UBXN7: variants seen among roughly 807,000 people sequenced by gnomAD.
UBXN7 encodes the protein UBX domain protein 7, also known as UBX domain-containing protein 7.
In UBXN7, 9 loss-of-function variants were observed where a neutral mutation model predicts 58.0. The observed-to-expected ratio is 0.16, with a 90% CI of 0.09 to 0.27. UBXN7 has a LOEUF of 0.27. UBXN7 is among the 10% of genes least tolerant of loss of function. The pLI, the probability that UBXN7 is intolerant of heterozygous loss-of-function variation, is 1.00. For missense variants in UBXN7, 328 were observed against 599.6 expected (o/e 0.55, Z 4.73); for synonymous variants, 208 against 205.0 (o/e 1.01, Z -0.12).
chr3:196,418,232 TGAAA>T (rs970562316), intron 1 of UBXN7, among the ~76,000 whole-genome samples: 12 of 150,362 alleles, frequency 8.0e-5, no homozygotes, highest in African/African-American at 2.9e-4. Context: ...AAGACTCCAT[TGAAA>T]GAAAGAAAGG....
intron 1 of UBXN7, among the ~76,000 whole-genome samples, chr3:196,416,833 A>G (rs1730499837): frequency 5.9e-5 from 9 of 152,218 alleles, no homozygotes; most frequent in Admixed American, 5.9e-4. Flanking sequence ...AAAGCTAGTA[A>G]CAATACATTT....
intron 1 of UBXN7, among the ~76,000 whole-genome samples, chr3:196,413,474 T>C (rs1270985281): frequency 2.0e-5 from 3 of 152,196 alleles, no homozygotes; most frequent in East Asian, 3.8e-4. Context: ...TCTAGGTATA[T>C]ATGGTAATTT....
chr3:196,392,891 C>T (rs1043598470), intron 4 of UBXN7, among the ~76,000 whole-genome samples: 22 of 152,106 alleles, frequency 1.4e-4, no homozygotes, highest in Non-Finnish European at 2.5e-4. Context: ...CACAGGATTC[C>T]CTAGATGACT....
chr3:196,374,737 A>G, intron 5 of UBXN7, among the ~76,000 whole-genome samples: 1 of 148,922 alleles, frequency 6.7e-6, no homozygotes, highest in East Asian at 2.0e-4. Context: ...AAAATTAGCC[A>G]GGCATGGTGG....
At chr3:196,359,013 A>C (rs961021483) in intron 10 of UBXN7, among the ~76,000 whole-genome samples, 1 of 151,950 alleles carries the variant, frequency 6.6e-6, no homozygotes, top group Non-Finnish European at 1.5e-5. Flanking sequence ...ACTTACTCCA[A>C]TGAATTAGCT....
chr3:196,385,894 G>C (rs1729373222), intron 5 of UBXN7, among the ~76,000 whole-genome samples: 1 of 152,220 alleles, frequency 6.6e-6, no homozygotes, highest in Non-Finnish European at 1.5e-5. Context: ...ATAGCTCATT[G>C]AGAACGGGCC....
intron 1 of UBXN7, among the ~76,000 whole-genome samples, chr3:196,426,615 G>A (rs111512676): frequency 0.012 from 1,847 of 152,110 alleles, 47 homozygotes; most frequent in African/African-American, 0.043. Flanking sequence ...TTGGGAGGTC[G>A]AAGCAGGAGG....
At chr3:196,390,548 T>C (rs1729550726) in intron 5 of UBXN7, among the ~76,000 whole-genome samples, 1 of 152,040 alleles carries the variant, frequency 6.6e-6, no homozygotes, top group Non-Finnish European at 1.5e-5. Context: ...GAGACCAGCC[T>C]GGCCAATATG....
At chr3:196,391,669 G>T in intron 5 of UBXN7, 144 bp downstream of exon 5, 2 of 559,302 alleles carry the variant, frequency 3.6e-6, no homozygotes, top group South Asian at 2.3e-5. Flanking sequence ...AAGAGTTCAA[G>T]GCTGCAGTGA....
chr3:196,412,257 G>GA (rs60503085), intron 1 of UBXN7, among the ~76,000 whole-genome samples: 74,178 of 141,778 alleles, frequency 0.52, 19,753 homozygotes, highest in East Asian at 0.9. Flanking sequence ...AAAGAAAAAA[G>GA]AAAAAAGCAT....
intron 6 of UBXN7, among the ~76,000 whole-genome samples, chr3:196,371,434 A>T (rs989239572): frequency 6.6e-6 from 1 of 152,144 alleles, no homozygotes; most frequent in Non-Finnish European, 1.5e-5. Flanking sequence ...GGAAAAATTT[A>T]AATTATGTGT....
At chr3:196,422,817 G>A (rs115320020) in intron 1 of UBXN7, among the ~76,000 whole-genome samples, 48 of 152,198 alleles carry the variant, frequency 3.2e-4, no homozygotes, top group Non-Finnish European at 5.4e-4. Context: ...GACTGTTTTT[G>A]GCAGCTTTAT....
At chr3:196,384,760 C>T (rs1207298352) in intron 5 of UBXN7, among the ~76,000 whole-genome samples, 1 of 152,100 alleles carries the variant, frequency 6.6e-6, no homozygotes, top group Non-Finnish European at 1.5e-5. Flanking sequence ...GCCCTTCACG[C>T]TAAAAATTCT....
chr3:196,424,665 T>C (rs1356108505), intron 1 of UBXN7, among the ~76,000 whole-genome samples: 1 of 151,132 alleles, frequency 6.6e-6, no homozygotes, highest in Admixed American at 6.6e-5. Context: ...GGATTACCGG[T>C]GTGAGCCACT....
At position 196,351,954 on chromosome 3, in the gene UBXN7, A is replaced by T. The variant is rs974923225; in HGVS notation, c.*4731T>A. The T allele has an allele frequency of 1.1e-4, 16 of 152,170 alleles. No homozygotes were observed. Among genetic ancestry groups the T allele is most frequent in the African/African-American group, 3.6e-4 (15 of 41,428 alleles). 9.4% of individuals were successfully genotyped at this position (152,170 alleles called of 1,614,324 possible). The stretch of plus-strand genomic sequence containing the variant: ...ATAGTGAGATCCCCGCAAGCTAGGA[A>T]TCTTTACTCCAGGGATCAATAATCC... On this transcript the variant is annotated 3_prime_UTR_variant, in exon 11 of 11. Coordinates refer to ENST00000296328, the MANE Select transcript of UBXN7 (RefSeq NM_015562.2).
intron 5 of UBXN7, among the ~76,000 whole-genome samples, chr3:196,375,040 A>AAGGAAGGAAGGAAGGAAGGG (rs1356697769): frequency 0.012 from 1,627 of 134,248 alleles, 62 homozygotes; most frequent in Non-Finnish European, 0.019. Flanking sequence ...GGAAGGAAGG[A>AAGGAAGGAAGGAAGGAAGGG]AGGGAAAGGA....
chr3:196,393,890 A>C, intron 3 of UBXN7: 1 of 242,414 alleles, frequency 4.1e-6, no homozygotes. Context: ...AAACTTTCAA[A>C]TCATTCATGT....
intron 1 of UBXN7, among the ~76,000 whole-genome samples, chr3:196,412,977 T>C (rs1730378567): frequency 6.6e-6 from 1 of 152,082 alleles, no homozygotes; most frequent in African/African-American, 2.4e-5. Flanking sequence ...AACAAAGAGT[T>C]ATAGAGAGGG....
intron 5 of UBXN7, among the ~76,000 whole-genome samples, chr3:196,390,817 TAATC>T (rs1168823725): frequency 6.6e-6 from 1 of 152,160 alleles, no homozygotes; most frequent in African/African-American, 2.4e-5. Context: ...ATTAACATGT[TAATC>T]AACACGAAAA....
Sources: allele counts gnomAD v4.1 joint callset (sites outside exome capture counted in the v4.1 genomes callset), GRCh38; gene constraint gnomAD v4.1.1; transcripts MANE v1.5; gene names NCBI Gene and HGNC (gene_info 2026-07-23, HGNC 2026-07-21).